The following IGF1R variants were observed in gnomAD, a reference collection of about 807,000 sequenced individuals.
The protein encoded by IGF1R is insulin like growth factor 1 receptor.
IGF1R carries 44 observed loss-of-function variants against 144.6 expected under a neutral mutation model. That is an observed-to-expected ratio of 0.30 (90% CI 0.24 to 0.39). The LOEUF is 0.39. IGF1R is among the 10% of genes least tolerant of loss of function. The pLI is 1.00. For missense variants in IGF1R, 1,355 were observed against 1,833.7 expected, an observed-to-expected ratio of 0.74 and a Z score of 4.77; for synonymous variants, 795 against 722.8, an observed-to-expected ratio of 1.10 and a Z score of -1.60.
chr15:98,896,162 G>A (rs976774988), intron 3 of IGF1R, among the ~76,000 whole-genome samples: 1 of 152,180 alleles, frequency 6.6e-6, no homozygotes, highest in East Asian at 1.9e-4. Flanking sequence ...ACAAGTTTCT[G>A]CAAAACACCG....
At chr15:98,753,081 A>T (rs187572888) in intron 2 of IGF1R, among the ~76,000 whole-genome samples, 1 of 151,954 alleles carries the variant, frequency 6.6e-6, no homozygotes, top group African/African-American at 2.4e-5. Flanking sequence ...GACTACAGGC[A>T]CGTGCCACCA....
At chr15:98,727,968 G>T (rs1167646546) in intron 2 of IGF1R, among the ~76,000 whole-genome samples, 4 of 146,404 alleles carry the variant, frequency 2.7e-5, no homozygotes, top group Non-Finnish European at 6.0e-5. Context: ...AAATAAAAAA[G>T]GAACACGAGG....
At chr15:98,863,035 G>T (rs969290982) in intron 2 of IGF1R, among the ~76,000 whole-genome samples, 1 of 152,154 alleles carries the variant, frequency 6.6e-6, no homozygotes, top group African/African-American at 2.4e-5. Context: ...TCCAAGAGAC[G>T]ATCCTACCTG....
In IGF1R at chr15:98,956,975, G is replaced by A. The variant is rs41468450; in HGVS notation, c.3723-86G>A. ...GTGCTCCCGCCGTACGCTTGTATGC[G>A]GGAAACCACTGCAGGCGGCCCATGA... On this transcript the variant is annotated intron_variant, in intron 20 of 20. Coordinates refer to ENST00000650285, the MANE Select transcript of IGF1R (RefSeq NM_000875.5). The A allele has an allele frequency of 3.2e-3, 4,659 of 1,459,496 alleles. 51 individuals are homozygous for A. Among genetic ancestry groups the A allele is most frequent in the Admixed American group, 0.028 (1,652 of 59,838 alleles). The allele number at this position is 1,459,496 out of a possible 1,614,324, so 90.4% of individuals were successfully genotyped here.
rs2151738523 is a variant in IGF1R, at chr15:98,957,323, C to T, written c.3985C>T (p.Pro1329Ser). ...CTCAGGACACAAGGCCGAGAACGGC[C>T]CCGGCCCTGGGGTGCTGGTCCTCCG... ...RHSGHKAENG[P>S]GPGVLVLRAS... is the part of the protein sequence containing the mutation. The change falls in exon 21 of 21, where the codon CCC (proline) becomes TCC (serine). Residue 1329 changes from proline to serine, a missense_variant. By Grantham distance (74) the Pro-to-Ser change is moderately conservative. Around this residue, in one of 7 missense-constraint regions of IGF1R, gnomAD observed 219 missense variants for 188.8 expected, o/e 1.16. Transcript: ENST00000650285. 1 of 1,612,478 alleles carries T rather than the reference C, an allele frequency of 6.2e-7. No homozygotes were observed. The highest frequency in any genetic ancestry group is 8.5e-7 in the Non-Finnish European group (1 of 1,178,908).
intron 2 of IGF1R, among the ~76,000 whole-genome samples, chr15:98,869,295 A>AAAAC (rs112405427): frequency 0.29 from 36,456 of 123,604 alleles, 4,758 homozygotes; most frequent in East Asian, 0.57. Context: ...TCAATTAAAA[A>AAAAC]AAACAAACAA....
chr15:98,887,281 T>C (rs1416179176), intron 2 of IGF1R, among the ~76,000 whole-genome samples: 1 of 151,910 alleles, frequency 6.6e-6, no homozygotes, highest in Admixed American at 6.6e-5. Context: ...TGCTCAGATG[T>C]GTGGGAAATG....
chr15:98,758,087 A>G (rs1246429867), intron 2 of IGF1R, among the ~76,000 whole-genome samples: 1 of 152,038 alleles, frequency 6.6e-6, no homozygotes, highest in Non-Finnish European at 1.5e-5. Context: ...CTTTTCACTC[A>G]TGGATTCTAG....
At chr15:98,947,715 G>A (rs2016607010) in intron 19 of IGF1R, among the ~76,000 whole-genome samples, 1 of 152,142 alleles carries the variant, frequency 6.6e-6, no homozygotes, top group African/African-American at 2.4e-5. Context: ...CATGCATATG[G>A]CAGAATTGCT....
chr15:98,694,610 A>G (rs1357907747), intron 1 of IGF1R, among the ~76,000 whole-genome samples: 1 of 152,150 alleles, frequency 6.6e-6, no homozygotes, highest in Admixed American at 6.5e-5. Flanking sequence ...TTTAAAGGCA[A>G]GGGTTGCTCA....
chr15:98,698,224 A>G (rs537642265), intron 1 of IGF1R, among the ~76,000 whole-genome samples: 1 of 151,280 alleles, frequency 6.6e-6, no homozygotes, highest in African/African-American at 2.4e-5. Context: ...TTTTTAGTGG[A>G]GATGGGGTTT....
chr15:98,893,621 C>T (rs1352308661), intron 3 of IGF1R: 1 of 152,192 alleles, frequency 6.6e-6, no homozygotes, highest in East Asian at 1.9e-4. Flanking sequence ...TGTCCATGAA[C>T]TCAGTGTGCT....
In IGF1R at chr15:98,738,519, G is replaced by C. The variant is rs140274821; in HGVS notation, c.640+30412G>C. Among the ~76,000 whole-genome samples, 126 of 152,302 alleles carry C rather than the reference G, an allele frequency of 8.3e-4. 1 individual carries two copies. Among genetic ancestry groups the C allele is most frequent in the African/African-American group, 2.9e-3 (120 of 41,558 alleles). ...CCAGTGCACCCCAGCCTGGGCAACA[G>C]AGTGAGACTCTGCCCCAAAGCAAGA... On this transcript the variant is annotated intron_variant, in intron 2 of 20. Transcript: ENST00000650285.
At chr15:98,758,903 G>A (rs1294870133) in intron 2 of IGF1R, among the ~76,000 whole-genome samples, 7 of 152,190 alleles carry the variant, frequency 4.6e-5, no homozygotes, top group Non-Finnish European at 1.0e-4. Flanking sequence ...GTGAGAAGGA[G>A]GTAGAAAAAA....
intron 11 of IGF1R, 80 bp from the exon 12 acceptor site, chr15:98,923,796 G>A: frequency 8.9e-7 from 1 of 1,125,926 alleles, no homozygotes; most frequent in Non-Finnish European, 1.4e-6. Flanking sequence ...GGATGGGGGG[G>A]TTATTCTCAG....
At chr15:98,909,968 G>T (rs2014934323) in intron 6 of IGF1R, among the ~76,000 whole-genome samples, 1 of 152,154 alleles carries the variant, frequency 6.6e-6, no homozygotes, top group African/African-American at 2.4e-5. Flanking sequence ...TTTTAATAAG[G>T]GAAGGGTATT....
At chr15:98,803,596 C>A (rs1310359755) in intron 2 of IGF1R, among the ~76,000 whole-genome samples, 3 of 151,970 alleles carry the variant, frequency 2.0e-5, no homozygotes, top group Non-Finnish European at 4.4e-5. Flanking sequence ...GCCTCGACCG[C>A]CAAGGCTCAA....
At position 98,891,279 on chromosome 15, in the gene IGF1R, G is replaced by A. The variant is rs373449625; in HGVS notation, c.641-46G>A. On this transcript the variant is annotated intron_variant, in intron 2 of 20. Transcript: ENST00000650285. This position sits in a 1 kb window ranked among gnomAD's most constrained non-coding sequence, Gnocchi z 4.7. Reference sequence around the variant, plus strand: ...GCTGGCCAGGCCCAGAGAAGGCGGTGCCTCCCCTGCCCGGTCTCATCTCCG... The same window carrying A: ...GCTGGCCAGGCCCAGAGAAGGCGGTACCTCCCCTGCCCGGTCTCATCTCCG... 4 of 1,580,886 alleles carry A rather than the reference G, an allele frequency of 2.5e-6. No individual in the cohort carries two copies. The highest frequency in any genetic ancestry group is 3.4e-6 in the Non-Finnish European group (4 of 1,164,680).
chr15:98,829,994 T>C (rs2056971078), intron 2 of IGF1R, among the ~76,000 whole-genome samples: 1 of 152,238 alleles, frequency 6.6e-6, no homozygotes, highest in African/African-American at 2.4e-5. Context: ...TGTCCACCAT[T>C]AGTATGTTAA....
Sources: gnomAD v4.1 joint callset for allele counts (sites outside exome capture counted in the v4.1 genomes callset) on GRCh38, gnomAD v4.1.1 for gene constraint, gnomAD v4.1.1 regional missense constraint, Gnocchi (gnomAD v3.1) non-coding constraint, MANE v1.5 for transcripts, NCBI Gene and HGNC (gene_info 2026-07-23, HGNC 2026-07-21) for gene names.